YAF2: variants seen among roughly 807,000 people sequenced by gnomAD.
YAF2 encodes YY1-associated factor 2.
YAF2 carries 7 observed loss-of-function variants against 20.1 expected under a neutral mutation model. That is an observed-to-expected ratio of 0.35 (90% CI 0.20 to 0.65). The LOEUF is 0.65. Ranked by LOEUF, YAF2 falls within the 30% of genes least tolerant of loss-of-function variation. The pLI is 0.69. For synonymous variants in YAF2, 74 were observed against 76.0 expected (o/e 0.97, Z 0.14); for missense variants, 151 against 219.2 (o/e 0.69, Z 1.96).
At chr12:42,166,212 C>G (rs1307791667) in intron 2 of YAF2, among the ~76,000 whole-genome samples, 1 of 152,186 alleles carries the variant, frequency 6.6e-6, no homozygotes, top group Non-Finnish European at 1.5e-5. Flanking sequence ...TGCGCCTGGC[C>G]TCAAATACAT....
intron 2 of YAF2, among the ~76,000 whole-genome samples, chr12:42,175,235 G>T (rs76395159): frequency 6.6e-6 from 1 of 152,134 alleles, no homozygotes; most frequent in Non-Finnish European, 1.5e-5. Flanking sequence ...GAGTTATGCC[G>T]AGTGAAAGAG....
chr12:42,237,848 C>A (rs2068229686), intron 1 of YAF2, 124 bp from the exon 2 acceptor site: 2 of 868,628 alleles, frequency 2.3e-6, no homozygotes, highest in South Asian at 5.4e-5. Context: ...GCCCCGCGGG[C>A]CCTCGGCGCG....
chr12:42,181,197 C>T (rs748882018), intron 2 of YAF2, among the ~76,000 whole-genome samples: 2 of 152,188 alleles, frequency 1.3e-5, no homozygotes, highest in Non-Finnish European at 2.9e-5. Context: ...CTTGATTTGC[C>T]CTTCACTTAT....
chr12:42,234,833 A>C (rs2068095488), intron 2 of YAF2: 1 of 746,574 alleles, frequency 1.3e-6, no homozygotes, highest in Admixed American at 6.3e-5. Context: ...ACAAAAAATA[A>C]GAAAATTAGC....
intron 2 of YAF2, among the ~76,000 whole-genome samples, chr12:42,187,313 T>G (rs868402205): frequency 3.9e-5 from 6 of 152,062 alleles, no homozygotes; most frequent in Non-Finnish European, 1.5e-5. Flanking sequence ...CTCACTACCA[T>G]GCCCAGCCAA....
At chr12:42,173,161 T>C (rs115695963) in intron 2 of YAF2, among the ~76,000 whole-genome samples, 1,598 of 152,306 alleles carry the variant, frequency 0.01, 29 homozygotes, top group African/African-American at 0.037. Context: ...GGCACAGTCA[T>C]AGACACTGCA....
chr12:42,183,858 A>T (rs1170805460), intron 2 of YAF2, among the ~76,000 whole-genome samples: 1 of 152,236 alleles, frequency 6.6e-6, no homozygotes, highest in Non-Finnish European at 1.5e-5. Context: ...CAATGCCTTG[A>T]TTCAAAGCTT....
intron 2 of YAF2, chr12:42,233,408 A>C: frequency 5.1e-6 from 5 of 983,742 alleles, no homozygotes; most frequent in Non-Finnish European, 6.0e-6. Flanking sequence ...CCACTACTAG[A>C]TGAAGTACCA....
At position 42,175,260 on chromosome 12, in the gene YAF2, A is replaced by ATACAC. The variant is rs550466257; in HGVS notation, c.153-13500_153-13496dup. Among the ~76,000 whole-genome samples the ATACAC allele has an allele frequency of 1.6e-3, 238 of 152,314 alleles. 1 individual carries two copies. The highest frequency in any genetic ancestry group is 2.9e-3 in the Non-Finnish European group (195 of 68,026). On this transcript the variant is annotated intron_variant, in intron 2 of 3. Coordinates refer to ENST00000534854, the MANE Select transcript of YAF2 (RefSeq NM_005748.6). Reference sequence around the variant, plus strand: ...GAGTGAAAGAGATTGGACCAAAAAAATACACACTGTATGATTCCATTCACA... The same window carrying ATACAC: ...GAGTGAAAGAGATTGGACCAAAAAAATACACTACACACTGTATGATTCCATTCACA...
At chr12:42,214,114 A>G (rs2067286502) in intron 2 of YAF2, among the ~76,000 whole-genome samples, 1 of 152,200 alleles carries the variant, frequency 6.6e-6, no homozygotes, top group African/African-American at 2.4e-5. Flanking sequence ...CATATCATTT[A>G]CGACTAAATT....
chr12:42,163,462 T>C (rs2065843254), intron 2 of YAF2, among the ~76,000 whole-genome samples: 1 of 152,186 alleles, frequency 6.6e-6, no homozygotes, highest in Admixed American at 6.5e-5. Flanking sequence ...GATCATGTAA[T>C]CTCTGTACCT....
chr12:42,166,894 G>A (rs78998371), intron 2 of YAF2, among the ~76,000 whole-genome samples: 1,592 of 150,502 alleles, frequency 0.011, 28 homozygotes, highest in African/African-American at 0.037. Context: ...TACTTTCTGG[G>A]AAGATGATAA....
At chr12:42,195,309 G>T (rs529214516) in intron 2 of YAF2, among the ~76,000 whole-genome samples, 6 of 152,258 alleles carry the variant, frequency 3.9e-5, no homozygotes, top group African/African-American at 1.4e-4. Flanking sequence ...TAAAGCACAG[G>T]TTACGGACAA....
chr12:42,159,930 A>C lies in YAF2; in HGVS notation c.*659T>G, dbSNP rs1247158334. ...GTTTACTAGTCCGCTAGTAAACATT[A>C]CAATAAATGAATGTTTTGAAAAATA... On this transcript the variant is annotated 3_prime_UTR_variant, in exon 4 of 4. Coordinates refer to ENST00000534854, the MANE Select transcript of YAF2 (RefSeq NM_005748.6). 1 of 152,620 alleles carries C rather than the reference A, an allele frequency of 6.6e-6. No homozygotes were observed. Among genetic ancestry groups the C allele is most frequent in the Non-Finnish European group, 1.5e-5 (1 of 68,014 alleles). The allele number at this position is 152,620 out of a possible 1,614,324, so 9.5% of individuals were successfully genotyped here. A position where few individuals can be genotyped will look rare whatever the true frequency, so the allele number is the denominator to read the frequency against.
At chr12:42,216,948 ATCAACCATCAAG>A (rs2067374031) in intron 2 of YAF2, among the ~76,000 whole-genome samples, 1 of 152,106 alleles carries the variant, frequency 6.6e-6, no homozygotes, top group Admixed American at 6.5e-5. Context: ...ACCATATCCA[ATCAACCATCAAG>A]TTCCACAGAT....
chr12:42,186,686 A>C (rs1305833652), intron 2 of YAF2, among the ~76,000 whole-genome samples: 2 of 152,162 alleles, frequency 1.3e-5, no homozygotes, highest in Non-Finnish European at 2.9e-5. Flanking sequence ...TCAAAAAGGA[A>C]AAAAAGAAAG....
At chr12:42,197,227 G>A (rs937270692) in intron 2 of YAF2, among the ~76,000 whole-genome samples, 6 of 152,178 alleles carry the variant, frequency 3.9e-5, no homozygotes, top group East Asian at 1.9e-4. Context: ...CTGCTGCCAC[G>A]TGCTGCCCAG....
chr12:42,237,866 C>T, intron 1 of YAF2, 142 bp from the exon 2 acceptor site: 3 of 755,888 alleles, frequency 4.0e-6, no homozygotes, highest in Non-Finnish European at 4.8e-6. Context: ...GCGCCGCGCT[C>T]CGGCTGAGGG....
chr12:42,206,161 C>T (rs2067034615), intron 2 of YAF2, among the ~76,000 whole-genome samples: 1 of 151,986 alleles, frequency 6.6e-6, no homozygotes, highest in Non-Finnish European at 1.5e-5. Flanking sequence ...TGTGTCATAT[C>T]TTCTATTTTA....
Sources: gnomAD v4.1 joint callset for allele counts (sites outside exome capture counted in the v4.1 genomes callset) on GRCh38, gnomAD v4.1.1 for gene constraint, MANE v1.5 for transcripts, NCBI Gene and HGNC (gene_info 2026-07-23, HGNC 2026-07-21) for gene names.